The following CCDC178 variants were observed in gnomAD, a reference collection of about 807,000 sequenced individuals.
CCDC178 encodes coiled-coil domain containing 178.
In CCDC178, 126 loss-of-function variants were observed where a neutral mutation model predicts 117.4. That is an observed-to-expected ratio of 1.07 (90% CI 0.93 to 1.24). CCDC178 has a LOEUF of 1.24. CCDC178 is among the 50% of genes most tolerant of loss of function. The pLI is 0.00. For synonymous variants in CCDC178, 283 were observed against 313.4 expected (o/e 0.90, Z 1.02); for missense variants, 1,030 against 986.9 (o/e 1.04, Z -0.59).
intron 21 of CCDC178, among the ~76,000 whole-genome samples, chr18:33,005,497 A>G (rs1001426073): frequency 6.6e-6 from 1 of 152,052 alleles, no homozygotes; most frequent in Non-Finnish European, 1.5e-5. Context: ...GGAGATGGTT[A>G]ATGGGTATAA....
chr18:33,096,750 T>C (rs2057549352), intron 20 of CCDC178, among the ~76,000 whole-genome samples: 1 of 152,084 alleles, frequency 6.6e-6, no homozygotes, highest in African/African-American at 2.4e-5. Context: ...GTCTCAGTTC[T>C]GGAAACCATT....
chr18:33,214,350 T>C (rs1257603896), intron 19 of CCDC178, among the ~76,000 whole-genome samples: 1 of 152,060 alleles, frequency 6.6e-6, no homozygotes, highest in Non-Finnish European at 1.5e-5. Context: ...CAGTATTGGC[T>C]AATTCTTTTT....
intron 18 of CCDC178, among the ~76,000 whole-genome samples, chr18:33,220,604 A>T (rs563070292): frequency 6.6e-6 from 1 of 152,216 alleles, no homozygotes; most frequent in South Asian, 2.1e-4. Flanking sequence ...CTTTTAATTT[A>T]TATAAATGCA....
At chr18:33,314,578 T>C (rs193174112) in intron 11 of CCDC178, among the ~76,000 whole-genome samples, 104 of 152,110 alleles carry the variant, frequency 6.8e-4, no homozygotes, top group African/African-American at 2.2e-3. Context: ...CTCAGAAATA[T>C]GGAAAAAAAT....
intron 2 of CCDC178, among the ~76,000 whole-genome samples, chr18:33,426,712 C>T (rs951560004): frequency 2.6e-5 from 4 of 152,164 alleles, no homozygotes; most frequent in African/African-American, 7.2e-5. Flanking sequence ...TATCATATTG[C>T]ACTTACAGTC....
At chr18:33,051,912 C>T (rs2056754255) in intron 21 of CCDC178, among the ~76,000 whole-genome samples, 1 of 152,032 alleles carries the variant, frequency 6.6e-6, no homozygotes, top group Non-Finnish European at 1.5e-5. Context: ...TGGTTGTTTT[C>T]CTTATAATAA....
intron 20 of CCDC178, among the ~76,000 whole-genome samples, chr18:33,112,894 G>A (rs758427669): frequency 3.9e-5 from 6 of 151,908 alleles, no homozygotes; most frequent in Non-Finnish European, 5.9e-5. Context: ...GATTCATGCT[G>A]ATTAAAATGC....
Position 33,245,370 on chromosome 18 carries a change from T to A in CCDC178, c.1468A>T (p.Lys490Ter). Residue 490 changes from lysine to a stop codon, truncating the protein, a stop_gained, in exon 15 of 23, where the codon AAG (lysine) becomes TAG (stop). Transcript: ENST00000383096. LOFTEE classifies it high-confidence loss of function. ...EIKYLTIMKL[K>*]NDKHLKNIYK... ...ATGTTCTTGAGATGTTTATCATTCT[T>A]TAACTTCATTATTGTCAAATATTTT... The A allele has an allele frequency of 6.2e-7, 1 of 1,600,756 alleles. No individual in the cohort carries two copies. The highest frequency in any genetic ancestry group is 8.5e-7 in the Non-Finnish European group (1 of 1,174,652).
At chr18:33,279,312 C>T (rs2059992261) in intron 12 of CCDC178, among the ~76,000 whole-genome samples, 1 of 151,814 alleles carries the variant, frequency 6.6e-6, no homozygotes, top group Non-Finnish European at 1.5e-5. Context: ...ACACCAATAA[C>T]AGACAAACAG....
intron 15 of CCDC178, among the ~76,000 whole-genome samples, chr18:33,233,289 A>G (rs1321954143): frequency 6.6e-6 from 1 of 152,174 alleles, no homozygotes; most frequent in Non-Finnish European, 1.5e-5. Flanking sequence ...GCTCTAATTT[A>G]CACTGAATTG....
chr18:33,390,117 TATAA>T (rs1334823685), intron 4 of CCDC178, among the ~76,000 whole-genome samples: 7 of 150,756 alleles, frequency 4.6e-5, no homozygotes, highest in African/African-American at 7.3e-5. Context: ...GATTTATAAT[TATAA>T]ATAAATAAGA....
At chr18:33,178,749 T>C (rs751553383) in intron 20 of CCDC178, among the ~76,000 whole-genome samples, 1 of 152,084 alleles carries the variant, frequency 6.6e-6, no homozygotes, top group African/African-American at 2.4e-5. Flanking sequence ...TGTTTCTACC[T>C]GGCTAGCTCC....
intron 21 of CCDC178, among the ~76,000 whole-genome samples, chr18:32,995,935 A>ATATCTG (rs1298494427): frequency 6.6e-6 from 1 of 151,500 alleles, no homozygotes; most frequent in Admixed American, 6.6e-5. Context: ...ATCTATATCT[A>ATATCTG]TATCTATATC....
intron 20 of CCDC178, among the ~76,000 whole-genome samples, chr18:33,104,558 T>A (rs2057678026): frequency 6.6e-6 from 1 of 151,770 alleles, no homozygotes. Flanking sequence ...AACACCATCT[T>A]TTCGTCCCAT....
intron 20 of CCDC178, among the ~76,000 whole-genome samples, chr18:33,108,760 TTAAC>T (rs1281548141): frequency 6.6e-6 from 1 of 151,826 alleles, no homozygotes; most frequent in South Asian, 2.1e-4. Context: ...TTTTCTATGA[TTAAC>T]TAATTAGCAA....
chr18:33,002,164 T>C (rs2055649611), intron 21 of CCDC178, among the ~76,000 whole-genome samples: 1 of 152,128 alleles, frequency 6.6e-6, no homozygotes, highest in Non-Finnish European at 1.5e-5. Flanking sequence ...TAATTTCCAC[T>C]ATAGGACAAA....
intron 21 of CCDC178, among the ~76,000 whole-genome samples, chr18:32,989,375 T>C (rs2055340910): frequency 6.6e-6 from 1 of 152,154 alleles, no homozygotes; most frequent in Non-Finnish European, 1.5e-5. Flanking sequence ...GATCATCTTA[T>C]TGGATGGAGA....
At chr18:33,004,286 G>A (rs899404906) in intron 21 of CCDC178, among the ~76,000 whole-genome samples, 1 of 151,832 alleles carries the variant, frequency 6.6e-6, no homozygotes, top group African/African-American at 2.4e-5. Flanking sequence ...TTAAACAGCA[G>A]ACAGGTAGAC....
chr18:33,293,358 A>T lies in CCDC178; in HGVS notation c.1023-46T>A, dbSNP rs764093750. On this transcript the variant is annotated intron_variant, in intron 11 of 22. Coordinates refer to ENST00000383096, the MANE Select transcript of CCDC178 (RefSeq NM_001105528.4). ...TATTTTATTCACATTAAAAGAAAAAATATATTTTAAATTATACTTAGGCCA... is the reference window on the plus strand; with the variant it reads ...TATTTTATTCACATTAAAAGAAAAATTATATTTTAAATTATACTTAGGCCA... 2.8e-5 allele frequency: 34 copies of T among 1,219,032 alleles called. No individual in the cohort carries two copies. In the South Asian group the frequency reaches 5.0e-4, roughly 18 times the overall value. The allele number at this position is 1,219,032 out of a possible 1,614,324, so 75.5% of individuals were successfully genotyped here.
Sources: allele counts gnomAD v4.1 joint callset (sites outside exome capture counted in the v4.1 genomes callset), GRCh38; gene constraint gnomAD v4.1.1; transcripts MANE v1.5; gene names NCBI Gene and HGNC (gene_info 2026-07-23, HGNC 2026-07-21).